SYNE1: variants seen among roughly 807,000 people sequenced by gnomAD.
SYNE1 encodes spectrin repeat containing nuclear envelope protein 1.
A neutral mutation model predicts 1,111.0 loss-of-function variants in SYNE1; 616 were observed. The ratio of observed to expected loss-of-function variants is 0.55; its 90% confidence interval spans 0.52 to 0.59. SYNE1 has a LOEUF of 0.59. SYNE1 is among the 20% of genes least tolerant of loss of function. The pLI, the probability that SYNE1 is intolerant of heterozygous loss-of-function variation, is 0.00. For missense variants in SYNE1, 10,006 were observed against 10,417.0 expected (o/e 0.96, Z 1.72); for synonymous variants, 3,855 against 3,825.8 (o/e 1.01, Z -0.28).
Position 152,405,499 on chromosome 6 carries a change from G to A in SYNE1, c.6724-1185C>T, listed in dbSNP as rs139028398. 4.3e-3 allele frequency among the ~76,000 whole-genome samples: 660 copies of A among 152,326 alleles called. 8 individuals carry two copies. The highest frequency in any genetic ancestry group is 0.015 in the African/African-American group (631 of 41,574). On this transcript the variant is annotated intron_variant, in intron 45 of 145. Transcript: ENST00000367255. ...TAACTCAAAGGCCTACGTAACAGTA[G>A]TGATATGTAGAAGAATAATGAAAAG...
intron 87 of SYNE1, among the ~76,000 whole-genome samples, chr6:152,312,220 TTTTTC>T (rs1299099210): frequency 1.6e-4 from 8 of 48,558 alleles, no homozygotes; most frequent in Non-Finnish European, 8.5e-5. Flanking sequence ...TTTTTTTTTT[TTTTTC>T]TGAGACGGAG....
intron 72 of SYNE1, 71 bp downstream of exon 72, chr6:152,350,097 C>T: frequency 6.3e-7 from 1 of 1,590,900 alleles, no homozygotes; most frequent in East Asian, 2.2e-5. Context: ...CATGCACACA[C>T]ATGCACAGAC....
In SYNE1 at chr6:152,463,442, T is replaced by C. The variant is rs2098745993; in HGVS notation, c.2008A>G (p.Thr670Ala). Residue 670 changes from threonine to alanine, a missense_variant, in exon 19 of 146, where the codon ACC (threonine) becomes GCC (alanine). By Grantham distance (58) the Thr-to-Ala change is moderately conservative. Coordinates refer to ENST00000367255, the MANE Select transcript of SYNE1 (RefSeq NM_182961.4). ...MNDAGNFLIE[T>A]CDEMVSRDLK... The stretch of plus-strand genomic sequence containing the variant: ...TCACGGGAAACCATCTCATCACAGG[T>C]TTCAATTAGAAAATTGCCAGCATCG... 1 of 1,613,730 alleles carries C rather than the reference T, an allele frequency of 6.2e-7. No individual in the cohort carries two copies. Among genetic ancestry groups the C allele is most frequent in the Non-Finnish European group, 8.5e-7 (1 of 1,179,780 alleles).
At chr6:152,576,159 T>C (rs2128361185) in intron 3 of SYNE1, among the ~76,000 whole-genome samples, 1 of 152,358 alleles carries the variant, frequency 6.6e-6, no homozygotes, top group East Asian at 1.9e-4. Context: ...AGCTGCTTGC[T>C]TTTGCAGTTA....
In SYNE1 at chr6:152,293,654, A is replaced by G. The variant is rs2094718334; in HGVS notation, c.17946T>C (p.Ile5982=). 1.2e-6 allele frequency: 2 copies of G among 1,614,124 alleles called. No homozygotes were observed. Among genetic ancestry groups the G allele is most frequent in the Non-Finnish European group, 1.7e-6 (2 of 1,180,018 alleles). ...LQSISTKMEA[I]ELKLSESPEP... is the part of the protein sequence containing the mutation. ...CTGGGCTCTCACTGAGTTTCAGCTC[A>G]ATGGCCTCCATCTTCGTAGAGATGG... Residue 5982 remains isoleucine (I), a synonymous_variant, in exon 95 of 146, where the codon ATT becomes ATC. Transcript: ENST00000367255.
chr6:152,535,018 T>C (rs529744102), intron 4 of SYNE1, among the ~76,000 whole-genome samples: 1 of 152,378 alleles, frequency 6.6e-6, no homozygotes, highest in South Asian at 2.1e-4. Flanking sequence ...GCTGAAATCT[T>C]AACCCCCCAA....
At chr6:152,580,976 G>C (rs1429112586) in intron 3 of SYNE1, among the ~76,000 whole-genome samples, 1 of 152,232 alleles carries the variant, frequency 6.6e-6, no homozygotes, top group Non-Finnish European at 1.5e-5. Context: ...GTTAATACCT[G>C]TAATGTTGCT....
chr6:152,354,206 T>C (rs1160878273), intron 67 of SYNE1, among the ~76,000 whole-genome samples: 1 of 152,186 alleles, frequency 6.6e-6, no homozygotes, highest in Non-Finnish European at 1.5e-5. Flanking sequence ...CCTCCTATTG[T>C]ACCTAGATCA....
Position 152,214,941 on chromosome 6 carries a change from C to G in SYNE1, c.22311G>C (p.Trp7437Cys). Reference protein sequence around the residue: ...IKRMQNLNRHWSLISSQTTER... With the variant: ...IKRMQNLNRHCSLISSQTTER... The stretch of plus-strand genomic sequence containing the variant: ...CTGTAGTCTGAGAGGAGATCAGAGA[C>G]CAATGGCGGTTCAGATTCTGCATTC... The change falls in exon 122 of 146, where the codon TGG (tryptophan) becomes TGC (cysteine). Residue 7437 changes from tryptophan (W) to cysteine (C), a missense_variant. Transcript: ENST00000367255. 6.2e-7 allele frequency: 1 copy of G among 1,614,116 alleles called. No homozygotes were observed. The highest frequency in any genetic ancestry group is 8.5e-7 in the Non-Finnish European group (1 of 1,180,002).
chr6:152,465,810 G>A (rs1207177503), intron 17 of SYNE1, among the ~76,000 whole-genome samples, 172 bp downstream of exon 17: 1 of 145,864 alleles, frequency 6.9e-6, no homozygotes, highest in South Asian at 2.2e-4. Context: ...GATTATGCAG[G>A]TTAGGCATTG....
chr6:152,466,159 A>T (rs534094704), intron 16 of SYNE1, 81 bp from the exon 17 acceptor site: 1 of 862,868 alleles, frequency 1.2e-6, no homozygotes, highest in South Asian at 1.4e-5. Flanking sequence ...CAGTATAGCT[A>T]TAAGCACAGT....
intron 14 of SYNE1, among the ~76,000 whole-genome samples, chr6:152,476,889 A>C (rs959859503): frequency 6.6e-6 from 1 of 152,140 alleles, no homozygotes; most frequent in Non-Finnish European, 1.5e-5. Context: ...AAAGAAAAGA[A>C]AAGAAAGAAA....
intron 58 of SYNE1, 102 bp downstream of exon 58, chr6:152,376,279 A>T: frequency 7.8e-7 from 1 of 1,287,456 alleles, no homozygotes; most frequent in Non-Finnish European, 1.1e-6. Context: ...CAGGCCAGGG[A>T]CCTGTACCAG....
chr6:152,292,568 G>C (rs2094657466), intron 95 of SYNE1, among the ~76,000 whole-genome samples: 1 of 152,164 alleles, frequency 6.6e-6, no homozygotes, highest in South Asian at 2.1e-4. Flanking sequence ...GCAAAAGAAT[G>C]CAACTTTATC....
At chr6:152,323,382 T>A (rs1478209121) in intron 82 of SYNE1, 96 bp downstream of exon 82, 1 of 1,556,518 alleles carries the variant, frequency 6.4e-7, no homozygotes, top group African/African-American at 1.4e-5. Flanking sequence ...GAGCTTGCAG[T>A]GAGCCGAGAT....
chr6:152,469,543 G>C (rs1449018935), intron 16 of SYNE1, among the ~76,000 whole-genome samples: 1 of 151,984 alleles, frequency 6.6e-6, no homozygotes, highest in Non-Finnish European at 1.5e-5. Context: ...ACACTTACAG[G>C]TATGTAAGTG....
chr6:152,359,891 T>A (rs972397401), intron 64 of SYNE1, among the ~76,000 whole-genome samples: 1 of 150,980 alleles, frequency 6.6e-6, no homozygotes, highest in Non-Finnish European at 1.5e-5. Context: ...TGTTCCAGCG[T>A]CCTCTCTAGC....
intron 95 of SYNE1, among the ~76,000 whole-genome samples, chr6:152,290,933 C>T (rs1768248978): frequency 6.6e-6 from 1 of 151,758 alleles, no homozygotes; most frequent in Admixed American, 6.6e-5. Flanking sequence ...GAACTTCTGG[C>T]ACAGACAGCA....
chr6:152,622,925 T>C (rs887899111), intron 3 of SYNE1, among the ~76,000 whole-genome samples: 1 of 152,142 alleles, frequency 6.6e-6, no homozygotes, highest in Admixed American at 6.5e-5. Context: ...CTCGCCAATA[T>C]CAGTTACTTT....
Sources: gnomAD v4.1 joint callset for allele counts (sites outside exome capture counted in the v4.1 genomes callset) on GRCh38, gnomAD v4.1.1 for gene constraint, MANE v1.5 for transcripts, NCBI Gene and HGNC (gene_info 2026-07-23, HGNC 2026-07-21) for gene names.